TAS2R1: variants seen among roughly 807,000 people sequenced by gnomAD.
The protein encoded by TAS2R1 is taste receptor type 2 member 1.
For missense variants in TAS2R1, 370 were observed against 353.4 expected (o/e 1.05, Z -0.38); for synonymous variants, 141 against 134.2 (o/e 1.05, Z -0.35).
At chr5:9,870,359 T>C in the TAS2R1 span, 2 of 152,362 alleles carry the variant, frequency 1.3e-5, no homozygotes, top group South Asian at 4.1e-4. Context: ...GCCGGCATTC[T>C]TATAAAATAT....
At chr5:9,725,323 G>A in the TAS2R1 span, among the ~76,000 whole-genome samples, 71 of 152,352 alleles carry the variant, frequency 4.7e-4, no homozygotes, top group African/African-American at 1.6e-3. Flanking sequence ...AGGCGCGAGC[G>A]GGAACCGGGG....
chr5:9,788,561 TAGA>T, the TAS2R1 span, among the ~76,000 whole-genome samples: 2 of 151,902 alleles, frequency 1.3e-5, no homozygotes, highest in Non-Finnish European at 2.9e-5. Context: ...TATGTGAGAG[TAGA>T]AGCATTTCTA....
the TAS2R1 span, among the ~76,000 whole-genome samples, chr5:9,819,442 A>T: frequency 6.6e-6 from 1 of 152,230 alleles, no homozygotes; most frequent in African/African-American, 2.4e-5. Flanking sequence ...AGAATTGGGC[A>T]GAAGTCCCCA....
At chr5:9,717,601 A>G in the TAS2R1 span, among the ~76,000 whole-genome samples, 2 of 152,190 alleles carry the variant, frequency 1.3e-5, no homozygotes, top group African/African-American at 4.8e-5. Context: ...TTAAAACATA[A>G]TATAGACTTC....
the TAS2R1 span, among the ~76,000 whole-genome samples, chr5:9,722,195 G>A: frequency 1.1e-4 from 16 of 152,326 alleles, no homozygotes; most frequent in Admixed American, 9.8e-4. Flanking sequence ...AGGAACCGCT[G>A]CCAAGAGGAC....
chr5:9,648,301 A>T lies in TAS2R1; in HGVS notation c.-81+11120T>A, dbSNP rs569419147. ...TTTTAAATGAATAAATAAAGCTTTTAAATAGTTTTTAAATAAATAACTTAA... is the reference window on the plus strand; with the variant it reads ...TTTTAAATGAATAAATAAAGCTTTTTAATAGTTTTTAAATAAATAACTTAA... On this transcript the variant is annotated intron_variant, in intron 2 of 2. Transcript: ENST00000506620. Among the ~76,000 whole-genome samples, 9 of 152,314 alleles carry T rather than the reference A, an allele frequency of 5.9e-5. No individual in the cohort carries two copies. The East Asian group carries it at 1.5e-3, about 26-fold the overall frequency.
the TAS2R1 span, among the ~76,000 whole-genome samples, chr5:9,838,413 C>T: frequency 6.6e-6 from 1 of 152,120 alleles, no homozygotes; most frequent in African/African-American, 2.4e-5. Flanking sequence ...AAAATGTAGA[C>T]ACCCAATCTG....
At chr5:9,647,808 G>T (rs562199198) in intron 2 of TAS2R1, among the ~76,000 whole-genome samples, 2 of 152,038 alleles carry the variant, frequency 1.3e-5, no homozygotes, top group African/African-American at 4.8e-5. Flanking sequence ...TTATCGTTAA[G>T]TACATAATAT....
At chr5:9,690,581 G>A (rs556637416) in intron 1 of TAS2R1, among the ~76,000 whole-genome samples, 2 of 152,156 alleles carry the variant, frequency 1.3e-5, no homozygotes, top group South Asian at 4.1e-4. Context: ...ATCGTTGTCA[G>A]CCCAATCAAG....
At chr5:9,781,534 C>T in the TAS2R1 span, among the ~76,000 whole-genome samples, 1 of 152,192 alleles carries the variant, frequency 6.6e-6, no homozygotes, top group Non-Finnish European at 1.5e-5. Flanking sequence ...CACTTCTCCA[C>T]TGAGTAAAAG....
chr5:9,663,185 T>A (rs1740570810), intron 1 of TAS2R1, among the ~76,000 whole-genome samples: 1 of 152,000 alleles, frequency 6.6e-6, no homozygotes, highest in African/African-American at 2.4e-5. Context: ...TCATGCAAAC[T>A]GCAAAAAAAG....
chr5:9,836,207 G>A, the TAS2R1 span, among the ~76,000 whole-genome samples: 4 of 151,936 alleles, frequency 2.6e-5, no homozygotes, highest in Admixed American at 2.0e-4. Flanking sequence ...CCAGCCATGT[G>A]GAACTGTAAG....
chr5:9,683,031 T>C (rs1741056763), intron 1 of TAS2R1, among the ~76,000 whole-genome samples: 1 of 152,204 alleles, frequency 6.6e-6, no homozygotes, highest in Non-Finnish European at 1.5e-5. Flanking sequence ...GATCCTTTAA[T>C]GTAGTCTAAT....
the TAS2R1 span, among the ~76,000 whole-genome samples, chr5:9,829,951 T>A: frequency 6.6e-6 from 1 of 152,156 alleles, no homozygotes. Flanking sequence ...TAAGAATACC[T>A]CAGGACCCTG....
upstream of TAS2R1, among the ~76,000 whole-genome samples, chr5:9,717,192 C>A (rs1038768549): frequency 1.1e-4 from 17 of 152,114 alleles, no homozygotes; most frequent in Non-Finnish European, 1.5e-5. Flanking sequence ...CTTGGAGATG[C>A]ATAGGAAGGC....
chr5:9,869,905 C>A, the TAS2R1 span, among the ~76,000 whole-genome samples: 1 of 152,182 alleles, frequency 6.6e-6, no homozygotes, highest in South Asian at 2.1e-4. Context: ...GATAGAACAA[C>A]TAGAGTGGAG....
At chr5:9,755,587 CAA>C in the TAS2R1 span, among the ~76,000 whole-genome samples, 384 of 94,830 alleles carry the variant, frequency 4.0e-3, 3 homozygotes, top group African/African-American at 0.014. Context: ...ACTCCATCTC[CAA>C]AAAAAAAAAA....
At chr5:9,741,464 T>C in the TAS2R1 span, among the ~76,000 whole-genome samples, 1 of 152,230 alleles carries the variant, frequency 6.6e-6, no homozygotes, top group Non-Finnish European at 1.5e-5. Context: ...ACCCACTCTT[T>C]TCCCAGAATG....
the TAS2R1 span, among the ~76,000 whole-genome samples, chr5:9,822,863 C>T: frequency 6.6e-6 from 1 of 151,596 alleles, no homozygotes; most frequent in South Asian, 2.1e-4. Flanking sequence ...AAAAATTGTG[C>T]TACAATAAAA....
Sources: gnomAD v4.1 joint callset for allele counts (sites outside exome capture counted in the v4.1 genomes callset) on GRCh38, gnomAD v4.1.1 for gene constraint, MANE v1.5 for transcripts, NCBI Gene and HGNC (gene_info 2026-07-23, HGNC 2026-07-21) for gene names.